PAIP1: variants seen among roughly 807,000 people sequenced by gnomAD.
PAIP1 encodes polyadenylate-binding protein-interacting protein 1.
In PAIP1, 16 loss-of-function variants were observed where a neutral mutation model predicts 61.3. The observed-to-expected ratio is 0.26, with a 90% CI of 0.18 to 0.40. The LOEUF (loss-of-function observed/expected upper bound fraction) is 0.40. Among genes scored for constraint, PAIP1 ranks in the 10% least tolerant of loss-of-function variants. PAIP1 has a pLI of 1.00. For missense variants in PAIP1, 416 were observed against 600.9 expected, an observed-to-expected ratio of 0.69 and a Z score of 3.22; for synonymous variants, 187 against 226.2, an observed-to-expected ratio of 0.83 and a Z score of 1.56.
chr5:43,548,639 G>C (rs1747737250), intron 2 of PAIP1, among the ~76,000 whole-genome samples: 1 of 152,186 alleles, frequency 6.6e-6, no homozygotes, highest in African/African-American at 2.4e-5. Flanking sequence ...GCAGAAGGCT[G>C]AGTGGGCGAG....
intron 9 of PAIP1, among the ~76,000 whole-genome samples, chr5:43,532,029 G>T (rs992482659): frequency 3.3e-5 from 5 of 152,058 alleles, no homozygotes; most frequent in African/African-American, 1.2e-4. Context: ...AAAACTGTAA[G>T]ATTTCTTTTA....
intron 2 of PAIP1, among the ~76,000 whole-genome samples, chr5:43,550,151 T>C (rs538883961): frequency 5.3e-5 from 8 of 152,306 alleles, no homozygotes; most frequent in South Asian, 2.1e-4. Context: ...ATAGTGTTCA[T>C]TGAATAGAAG....
At position 43,533,589 on chromosome 5, in the gene PAIP1, CTA is replaced by C. The variant is rs1244696873; in HGVS notation, c.1252+147_1252+148del. 3 of 653,754 alleles carry C rather than the reference CTA, an allele frequency of 4.6e-6. No individual in the cohort carries two copies. The African/African-American group carries it at 5.5e-5, about 12-fold the overall frequency. The allele number at this position is 653,754 out of a possible 1,614,324, so 40.5% of individuals were successfully genotyped here. On this transcript the variant is annotated intron_variant, in intron 9 of 10. Coordinates refer to ENST00000306846, the MANE Select transcript of PAIP1 (RefSeq NM_006451.5). ...TCAAGTGGTCACTATGAAGAGCATTCTATATTAGACAAACCATTACACTGGTA... is the reference window on the plus strand; with the variant it reads ...TCAAGTGGTCACTATGAAGAGCATTCTATTAGACAAACCATTACACTGGTA...
At chr5:43,543,979 T>TA (rs1164314133) in intron 3 of PAIP1, among the ~76,000 whole-genome samples, 3 of 151,740 alleles carry the variant, frequency 2.0e-5, no homozygotes, top group East Asian at 3.9e-4. Flanking sequence ...ACCATCTCTA[T>TA]AAAAAAATTT....
At chr5:43,555,392 A>G (rs767668222) in intron 2 of PAIP1, among the ~76,000 whole-genome samples, 2 of 152,226 alleles carry the variant, frequency 1.3e-5, no homozygotes, top group Non-Finnish European at 2.9e-5. Context: ...ATTCCTTTCT[A>G]CATATTCCAA....
chr5:43,529,896 G>A lies in PAIP1; in HGVS notation c.1253-17C>T, dbSNP rs756943117. ...CTTGGTAATCTGTAAGACAACATAG[G>A]AGAAAAACTAAATACTGAAAAAATA... On this transcript the variant is annotated splice_polypyrimidine_tract_variant and intron_variant, in intron 9 of 10. Transcript: ENST00000306846. The A allele has an allele frequency of 1.1e-5, 12 of 1,106,330 alleles. No homozygotes were observed. The highest frequency in any genetic ancestry group is 1.5e-5 in the African/African-American group (1 of 65,050). 68.5% of individuals were successfully genotyped at this position (1,106,330 alleles called of 1,614,324 possible). A position where few individuals can be genotyped will look rare whatever the true frequency, so the allele number is the denominator to read the frequency against.
intron 2 of PAIP1, among the ~76,000 whole-genome samples, chr5:43,552,633 A>C (rs1469876124): frequency 2.0e-5 from 3 of 152,174 alleles, no homozygotes; most frequent in Admixed American, 1.3e-4. Flanking sequence ...CTACAGAATA[A>C]ATTCATAGGT....
intron 6 of PAIP1, among the ~76,000 whole-genome samples, chr5:43,535,940 C>A (rs1747131814): frequency 6.7e-6 from 1 of 150,134 alleles, no homozygotes. Flanking sequence ...GAACATGTCA[C>A]TTTTTTTGAA....
At chr5:43,556,197 G>T in intron 1 of PAIP1, 198 bp from the exon 2 acceptor site, 1 of 1,345,552 alleles carries the variant, frequency 7.4e-7, no homozygotes, top group Non-Finnish European at 9.5e-7. Flanking sequence ...TCCGTTATGG[G>T]CATACCTGCC....
intron 2 of PAIP1, among the ~76,000 whole-genome samples, chr5:43,551,558 A>G (rs1326877185): frequency 1.3e-5 from 2 of 152,196 alleles, no homozygotes; most frequent in Admixed American, 6.5e-5. Flanking sequence ...TTTTATAACT[A>G]AAAACTAGTC....
Position 43,556,976 on chromosome 5 carries a change from CG to C in PAIP1, c.-131del. 2 of 1,240,350 alleles carry C rather than the reference CG, an allele frequency of 1.6e-6. No individual in the cohort carries two copies. Among genetic ancestry groups the C allele is most frequent in the Non-Finnish European group, 2.0e-6 (2 of 989,000 alleles). The allele number at this position is 1,240,350 out of a possible 1,614,324, so 76.8% of individuals were successfully genotyped here. On this transcript the variant is annotated 5_prime_UTR_variant, in exon 1 of 11. Coordinates refer to ENST00000306846, the MANE Select transcript of PAIP1 (RefSeq NM_006451.5). ...CGGGCCTCATGGAGGAGGAGGGCGGCGGGCCCCGGCTCGGCTGCTCGGTGCT... is the reference window on the plus strand; with the variant it reads ...CGGGCCTCATGGAGGAGGAGGGCGGCGGCCCCGGCTCGGCTGCTCGGTGCT...
intron 2 of PAIP1, among the ~76,000 whole-genome samples, chr5:43,551,745 C>CT (rs10640960): frequency 0.019 from 2,657 of 142,920 alleles, 37 homozygotes; most frequent in South Asian, 0.058. Flanking sequence ...GATTTGCAAT[C>CT]TTTTTTTTTT....
intron 2 of PAIP1, among the ~76,000 whole-genome samples, chr5:43,549,899 T>G (rs1747796534): frequency 6.6e-6 from 1 of 152,058 alleles, no homozygotes. Flanking sequence ...TTTTTTTGTA[T>G]TTTTAGAGGA....
intron 2 of PAIP1, among the ~76,000 whole-genome samples, chr5:43,553,539 G>T (rs1006433146): frequency 2.0e-5 from 3 of 152,178 alleles, no homozygotes; most frequent in Admixed American, 6.5e-5. Flanking sequence ...TGTTGAATGA[G>T]TGAATGTAGC....
At chr5:43,540,074 G>T (rs528187358) in intron 4 of PAIP1, among the ~76,000 whole-genome samples, 1 of 152,150 alleles carries the variant, frequency 6.6e-6, no homozygotes, top group Non-Finnish European at 1.5e-5. Flanking sequence ...ATTACCTCTT[G>T]TTCAGTAATT....
At chr5:43,544,565 C>T (rs1747554375) in intron 3 of PAIP1, among the ~76,000 whole-genome samples, 1 of 152,166 alleles carries the variant, frequency 6.6e-6, no homozygotes, top group South Asian at 2.1e-4. Context: ...ATGTTTTAAT[C>T]CCCATATCTC....
In PAIP1 at chr5:43,556,895, G is replaced by A; in HGVS notation, c.-49C>T. The A allele has an allele frequency of 1.5e-6, 2 of 1,346,232 alleles. No homozygotes were observed. Among genetic ancestry groups the A allele is most frequent in the Non-Finnish European group, 1.9e-6 (2 of 1,052,114 alleles). The allele number at this position is 1,346,232 out of a possible 1,614,324, so 83.4% of individuals were successfully genotyped here. ...TCCAGGGGCCGCTGCCGCTGCGCTCGCGATAGGACGCGGGGGGAAGGCGCC... is the reference window on the plus strand; with the variant it reads ...TCCAGGGGCCGCTGCCGCTGCGCTCACGATAGGACGCGGGGGGAAGGCGCC... On this transcript the variant is annotated 5_prime_UTR_variant, in exon 1 of 11. Coordinates refer to ENST00000306846, the MANE Select transcript of PAIP1 (RefSeq NM_006451.5).
chr5:43,541,970 A>G (rs1005295580), intron 4 of PAIP1, among the ~76,000 whole-genome samples: 13 of 151,646 alleles, frequency 8.6e-5, no homozygotes, highest in Admixed American at 6.6e-4. Flanking sequence ...TGAGGTCAGG[A>G]GTTCGAGACC....
Position 43,547,771 on chromosome 5 carries a change from G to A in PAIP1, c.578C>T (p.Thr193Ile). ...CACAAGTTCTTGCAAAGCATCATCT[G>A]TTGTAACACAACCATTCAGGGTCTC... ...FAETLNGCVT[T>I]DDALQELVEL... The change falls in exon 3 of 11, where the codon ACA becomes ATA. Residue 193 changes from threonine (T) to isoleucine (I), a missense_variant. Around this residue, in one of 4 missense-constraint regions of PAIP1, gnomAD observed 180 missense variants for 211.2 expected, o/e 0.85. Coordinates refer to ENST00000306846, the MANE Select transcript of PAIP1 (RefSeq NM_006451.5). 2 of 1,611,712 alleles carry A rather than the reference G, an allele frequency of 1.2e-6. No individual in the cohort carries two copies. Among genetic ancestry groups the A allele is most frequent in the Non-Finnish European group, 1.7e-6 (2 of 1,179,492 alleles).
Sources: gnomAD v4.1 joint callset for allele counts (sites outside exome capture counted in the v4.1 genomes callset) on GRCh38, gnomAD v4.1.1 for gene constraint, gnomAD v4.1.1 regional missense constraint, MANE v1.5 for transcripts, NCBI Gene and HGNC (gene_info 2026-07-23, HGNC 2026-07-21) for gene names.